Variants in ASIC2 observed in about 807,000 individuals in gnomAD.
ASIC2 encodes acid sensing ion channel subunit 2, also known as acid-sensing ion channel 2.
In ASIC2, 25 loss-of-function variants were observed where a neutral mutation model predicts 57.3. The ratio of observed to expected loss-of-function variants is 0.44; its 90% CI spans 0.32 to 0.61. ASIC2 has a LOEUF of 0.61. Among genes scored for constraint, ASIC2 ranks in the 20% least tolerant of loss-of-function variants. The probability of loss-of-function intolerance (pLI) is 0.06; values close to 1 mark genes in which losing one functional copy is unlikely to be tolerated. For missense variants in ASIC2, 641 were observed against 738.1 expected (o/e 0.87, Z 1.52); for synonymous variants, 319 against 307.5 (o/e 1.04, Z -0.39).
intron 1 of ASIC2, among the ~76,000 whole-genome samples, chr17:33,997,303 G>A: frequency 7.7e-6 from 1 of 130,196 alleles, no homozygotes; most frequent in Non-Finnish European, 1.6e-5. Context: ...ACCATGCACG[G>A]TTAATTTTTT....
chr17:33,224,639 C>G (rs777432951), intron 1 of ASIC2, among the ~76,000 whole-genome samples: 2 of 152,174 alleles, frequency 1.3e-5, no homozygotes, highest in Non-Finnish European at 2.9e-5. Context: ...GCCATTTTAT[C>G]GAATTCTCAC....
intron 1 of ASIC2, among the ~76,000 whole-genome samples, chr17:33,943,072 A>G (rs747592772): frequency 1.3e-4 from 20 of 152,226 alleles, no homozygotes; most frequent in Non-Finnish European, 2.5e-4. Flanking sequence ...CCTATTCTGT[A>G]TATGTGAAAG....
chr17:34,031,871 C>T (rs1567794447), intron 1 of ASIC2, among the ~76,000 whole-genome samples: 1 of 152,072 alleles, frequency 6.6e-6, no homozygotes, highest in African/African-American at 2.4e-5. Flanking sequence ...GTGGAAAGAC[C>T]AAATCTACGT....
intron 1 of ASIC2, among the ~76,000 whole-genome samples, chr17:33,627,979 G>A (rs1400676868): frequency 2.6e-5 from 4 of 152,002 alleles, no homozygotes; most frequent in Non-Finnish European, 5.9e-5. Flanking sequence ...GCAGTGAGCT[G>A]AGATTGTGCC....
At chr17:33,488,453 A>T (rs1332478596) in intron 1 of ASIC2, among the ~76,000 whole-genome samples, 1 of 152,182 alleles carries the variant, frequency 6.6e-6, no homozygotes, top group Non-Finnish European at 1.5e-5. Context: ...ATTCTGTGAA[A>T]GATTCTTTTT....
At chr17:33,098,756 T>C (rs1347777023) in intron 2 of ASIC2, among the ~76,000 whole-genome samples, 1 of 152,182 alleles carries the variant, frequency 6.6e-6, no homozygotes, top group Admixed American at 6.5e-5. Flanking sequence ...TTTTTCTTTT[T>C]CATTTTTCAT....
At chr17:33,998,138 A>T (rs1481270173) in intron 1 of ASIC2, among the ~76,000 whole-genome samples, 4 of 152,054 alleles carry the variant, frequency 2.6e-5, no homozygotes, top group Non-Finnish European at 5.9e-5. Flanking sequence ...GTTCCCTAGA[A>T]GGTTATTCAT....
intron 1 of ASIC2, among the ~76,000 whole-genome samples, chr17:33,804,678 C>T (rs1472135603): frequency 6.6e-6 from 1 of 152,166 alleles, no homozygotes; most frequent in African/African-American, 2.4e-5. Flanking sequence ...GAGCTCTGGG[C>T]ATCACAGAAG....
At chr17:33,017,750 G>T (rs2091814620) in intron 7 of ASIC2, 66 bp from the exon 8 acceptor site, 1 of 1,464,958 alleles carries the variant, frequency 6.8e-7, no homozygotes, top group South Asian at 1.2e-5. Context: ...TGAACAGACT[G>T]AGATGCAACC....
At chr17:33,637,830 G>A (rs996580019) in intron 1 of ASIC2, among the ~76,000 whole-genome samples, 5 of 152,184 alleles carry the variant, frequency 3.3e-5, no homozygotes, top group African/African-American at 1.2e-4. Context: ...GGTCAGCCAG[G>A]TGGAAGAATT....
At chr17:33,612,714 A>T (rs1905450663) in intron 1 of ASIC2, among the ~76,000 whole-genome samples, 1 of 152,224 alleles carries the variant, frequency 6.6e-6, no homozygotes, top group Non-Finnish European at 1.5e-5. Context: ...GACAACCTTG[A>T]AGCAACAAGA....
chr17:33,862,071 T>C (rs916468783), intron 1 of ASIC2, among the ~76,000 whole-genome samples: 2 of 152,200 alleles, frequency 1.3e-5, no homozygotes, highest in Non-Finnish European at 1.5e-5. Context: ...CTTTTACCAG[T>C]GTTCAAGGTT....
At chr17:34,109,020 T>A (rs573111867) in intron 1 of ASIC2, among the ~76,000 whole-genome samples, 5 of 126,474 alleles carry the variant, frequency 4.0e-5, no homozygotes, top group Non-Finnish European at 8.7e-5. Context: ...TTTTCTTTTT[T>A]TATTTGTTGA....
chr17:33,787,034 T>C (rs1359235053), intron 1 of ASIC2, among the ~76,000 whole-genome samples: 1 of 152,224 alleles, frequency 6.6e-6, no homozygotes, highest in Non-Finnish European at 1.5e-5. Flanking sequence ...TTACAGATAC[T>C]CTTCTCATTG....
At chr17:33,105,004 G>T (rs1395970288) in intron 2 of ASIC2, among the ~76,000 whole-genome samples, 1 of 152,240 alleles carries the variant, frequency 6.6e-6, no homozygotes, top group Admixed American at 6.5e-5. Context: ...GGCCCTGGCA[G>T]TGTACACAAT....
chr17:33,854,839 T>A (rs16968962), intron 1 of ASIC2, among the ~76,000 whole-genome samples: 5,631 of 152,132 alleles, frequency 0.037, 363 homozygotes, highest in African/African-American at 0.13. Flanking sequence ...TCCTTCCCTG[T>A]GGGTGGTGTG....
chr17:33,128,472 G>C lies in ASIC2; in HGVS notation c.709-16405C>G, dbSNP rs1597592154. 4.6e-5 allele frequency among the ~76,000 whole-genome samples: 7 copies of C among 152,318 alleles called. 1 individual carries two copies. In the South Asian group the frequency reaches 1.4e-3, roughly 32 times the overall value. ...AATGGGGATGGAGACTTGCATGCAA[G>C]AGGTTTACTGGGCAGTGTCCTTGGG... On this transcript the variant is annotated intron_variant, in intron 1 of 9. Coordinates refer to ENST00000225823, the MANE Select transcript of ASIC2 (RefSeq NM_183377.2).
intron 1 of ASIC2, among the ~76,000 whole-genome samples, chr17:33,512,394 C>G (rs1748484065): frequency 6.6e-6 from 1 of 152,212 alleles, no homozygotes; most frequent in Admixed American, 6.5e-5. Context: ...TAGCTGTAGG[C>G]AGCCTGTCCC....
intron 1 of ASIC2, among the ~76,000 whole-genome samples, chr17:33,841,211 C>T (rs1913427669): frequency 6.6e-6 from 1 of 152,210 alleles, no homozygotes; most frequent in South Asian, 2.1e-4. Flanking sequence ...ACTAGAAATA[C>T]AAAGACAATG....
Sources: gnomAD v4.1 joint callset for allele counts (sites outside exome capture counted in the v4.1 genomes callset) on GRCh38, gnomAD v4.1.1 for gene constraint, MANE v1.5 for transcripts, NCBI Gene and HGNC (gene_info 2026-07-23, HGNC 2026-07-21) for gene names.